Variants in HCRTR2 observed in about 807,000 individuals in gnomAD.
The protein encoded by HCRTR2 is hypocretin receptor 2.
Under a neutral mutation model 49.0 loss-of-function variants are expected in HCRTR2, and 22 were observed. The observed-to-expected ratio is 0.45, with a 90% confidence interval of 0.32 to 0.64. HCRTR2 has a LOEUF of 0.64. HCRTR2 is among the 30% of genes least tolerant of loss of function. The probability of loss-of-function intolerance (pLI) is 0.04; values close to 1 mark genes in which losing one functional copy is unlikely to be tolerated. For missense variants in HCRTR2, 491 were observed against 559.4 expected (o/e 0.88, Z 1.23); for synonymous variants, 236 against 205.3 (o/e 1.15, Z -1.28).
At chr6:55,198,491 A>C (rs1162127852) in intron 1 of HCRTR2, among the ~76,000 whole-genome samples, 1 of 152,078 alleles carries the variant, frequency 6.6e-6, no homozygotes, top group Non-Finnish European at 1.5e-5. Flanking sequence ...CCTAACTTTA[A>C]ACCTACCTCT....
chr6:55,164,958 C>CA (rs1288316784), intron 1 of HCRTR2, among the ~76,000 whole-genome samples: 1 of 151,548 alleles, frequency 6.6e-6, no homozygotes, highest in African/African-American at 2.4e-5. Context: ...CAGATAAATT[C>CA]AAAAAAGAAG....
At chr6:55,121,528 C>T (rs957385122) in intron 1 of HCRTR2, among the ~76,000 whole-genome samples, 2 of 151,616 alleles carry the variant, frequency 1.3e-5, no homozygotes, top group Non-Finnish European at 3.0e-5. Context: ...GAGGGCATCC[C>T]TGTCTTGTGC....
At position 55,280,458 on chromosome 6, in the gene HCRTR2, T is replaced by C. The variant is rs200028165; in HGVS notation, c.1105+14T>C. 1 of 1,611,490 alleles carries C rather than the reference T, an allele frequency of 6.2e-7. No homozygotes were observed. Among genetic ancestry groups the C allele is most frequent in the Admixed American group, 1.7e-5 (1 of 59,916 alleles). On this transcript the variant is annotated intron_variant, in intron 6 of 6. Coordinates refer to ENST00000370862, the MANE Select transcript of HCRTR2 (RefSeq NM_001384272.1). ...ATTTTCTCAGTGGTGAGTTTTCAACTGTTCTTCCATAAGCCACAATTGTAA... is the reference window on the plus strand; with the variant it reads ...ATTTTCTCAGTGGTGAGTTTTCAACCGTTCTTCCATAAGCCACAATTGTAA...
At position 55,274,936 on chromosome 6, in the gene HCRTR2, G is replaced by C. The variant is rs183957990; in HGVS notation, c.763-2444G>C. 3.1e-3 allele frequency among the ~76,000 whole-genome samples: 474 copies of C among 152,180 alleles called. 4 individuals are homozygous for C. The highest frequency in any genetic ancestry group is 0.011 in the African/African-American group (446 of 41,544). The stretch of plus-strand genomic sequence containing the variant: ...ATTATTTATTCTTTACTGTTTGATT[G>C]AATTCATTAATGGACCTATCTGGGC... On this transcript the variant is annotated intron_variant, in intron 4 of 6. Transcript: ENST00000370862.
At chr6:55,107,407 T>C (rs1184139929) in intron 1 of HCRTR2, among the ~76,000 whole-genome samples, 1 of 152,142 alleles carries the variant, frequency 6.6e-6, no homozygotes, top group Non-Finnish European at 1.5e-5. Context: ...TTTATGAATA[T>C]ATAGGTATCT....
intron 1 of HCRTR2, among the ~76,000 whole-genome samples, chr6:55,199,568 T>A (rs1215769656): frequency 6.6e-6 from 1 of 152,214 alleles, no homozygotes; most frequent in Admixed American, 6.5e-5. Context: ...ATTTTTCTAG[T>A]AATACATTCT....
chr6:55,259,610 T>C (rs2127319850), intron 3 of HCRTR2, among the ~76,000 whole-genome samples: 1 of 152,006 alleles, frequency 6.6e-6, no homozygotes, highest in South Asian at 2.1e-4. Context: ...CTTTAATCTC[T>C]GATTTCAAAG....
chr6:55,124,362 T>C lies in HCRTR2; in HGVS notation c.-378+17817T>C, dbSNP rs979842785. On this transcript the variant is annotated intron_variant, in intron 1 of 7. Coordinates refer to the HCRTR2 transcript ENST00000615358. Reference sequence around the variant, plus strand: ...AGAACAACTTTATTTCTGCCTTCACTTTGTTATTTACCCAGTAGTTATTCA... The same window carrying C: ...AGAACAACTTTATTTCTGCCTTCACCTTGTTATTTACCCAGTAGTTATTCA... Among the ~76,000 whole-genome samples, 5 of 152,326 alleles carry C rather than the reference T, an allele frequency of 3.3e-5. No homozygotes were observed. The South Asian group carries it at 6.2e-4, about 19-fold the overall frequency.
intron 1 of HCRTR2, among the ~76,000 whole-genome samples, chr6:55,201,530 A>AT (rs1462504794): frequency 1.3e-5 from 2 of 152,070 alleles, no homozygotes; most frequent in African/African-American, 2.4e-5. Flanking sequence ...AAACTAAGGG[A>AT]TTTTTTCTGG....
Position 55,225,593 on chromosome 6 carries a change from C to A in HCRTR2, c.224-23046C>A, listed in dbSNP as rs183141685. On this transcript the variant is annotated intron_variant, in intron 1 of 6. Coordinates refer to ENST00000370862, the MANE Select transcript of HCRTR2 (RefSeq NM_001384272.1). ...GCATAGAGAATAAAAATTTGCACCCCACACAGTCACTCCTCATTCATTCAT... is the reference window on the plus strand; with the variant it reads ...GCATAGAGAATAAAAATTTGCACCCAACACAGTCACTCCTCATTCATTCAT... 3.7e-3 allele frequency among the ~76,000 whole-genome samples: 567 copies of A among 152,252 alleles called. 3 individuals are homozygous for A. Among genetic ancestry groups the A allele is most frequent in the Middle Eastern group, 0.014 (4 of 294 alleles).
At chr6:55,121,078 T>C (rs1764192301) in intron 1 of HCRTR2, among the ~76,000 whole-genome samples, 1 of 152,136 alleles carries the variant, frequency 6.6e-6, no homozygotes, top group African/African-American at 2.4e-5. Flanking sequence ...TATGGCCAAT[T>C]TCATGATATT....
At chr6:55,262,767 T>TATATATATATGTATTAGGTAGGGA (rs1766791934) in intron 3 of HCRTR2, among the ~76,000 whole-genome samples, 1 of 6,416 alleles carries the variant, frequency 1.6e-4, no homozygotes, top group Non-Finnish European at 4.0e-4. Flanking sequence ...AGGTAGGGAA[T>TATATATATATGTATTAGGTAGGGA]ATATATATAT....
chr6:55,271,561 G>T (rs986238728), intron 4 of HCRTR2, among the ~76,000 whole-genome samples: 24 of 152,048 alleles, frequency 1.6e-4, no homozygotes, highest in African/African-American at 5.6e-4. Flanking sequence ...AAACTTTTGT[G>T]CTTCAAACTG....
intron 1 of HCRTR2, among the ~76,000 whole-genome samples, chr6:55,223,466 T>G (rs1373890169): frequency 2.6e-5 from 4 of 152,230 alleles, no homozygotes. Context: ...GAGAAGAAAT[T>G]TCCTTTGTTT....
At chr6:55,282,112 A>G (rs1167497951) in intron 6 of HCRTR2, 113 bp from the exon 7 acceptor site, 4 of 758,022 alleles carry the variant, frequency 5.3e-6, no homozygotes, top group African/African-American at 3.5e-5. Flanking sequence ...TTTGCAAAAT[A>G]TTACACCTCA....
chr6:55,178,838 C>A (rs929991226), intron 1 of HCRTR2, among the ~76,000 whole-genome samples: 5 of 152,188 alleles, frequency 3.3e-5, no homozygotes, highest in Non-Finnish European at 7.3e-5. Flanking sequence ...AGTTTGCTTT[C>A]TCTCTCAACT....
chr6:55,282,196 C>A (rs200330118), intron 6 of HCRTR2, 29 bp from the exon 7 acceptor site: 20 of 1,512,390 alleles, frequency 1.3e-5, no homozygotes, highest in South Asian at 6.9e-5. Flanking sequence ...TGTATAATTC[C>A]TTTTCCTTTC....
chr6:55,115,504 GTGTGTGTGGTA>G (rs1420026804), intron 1 of HCRTR2, among the ~76,000 whole-genome samples: 60 of 150,882 alleles, frequency 4.0e-4, no homozygotes, highest in African/African-American at 1.0e-3. Context: ...GTGTGTGTGT[GTGTGTGTGGTA>G]GTAGTAGTAG....
chr6:55,159,098 C>T lies in HCRTR2; in HGVS notation c.-377-15113C>T, dbSNP rs1032919650. Among the ~76,000 whole-genome samples, 6 of 152,036 alleles carry T rather than the reference C, an allele frequency of 3.9e-5. No individual in the cohort carries two copies. The South Asian group carries it at 6.2e-4, about 16-fold the overall frequency. On this transcript the variant is annotated intron_variant, in intron 1 of 7. Coordinates refer to the HCRTR2 transcript ENST00000615358. ...TGGGTGCCCCTCTGGGACAAAGCTT[C>T]GAGAGGAAGGAGCAGGCAGCAATCT...
Sources: allele counts gnomAD v4.1 joint callset (sites outside exome capture counted in the v4.1 genomes callset), GRCh38; gene constraint gnomAD v4.1.1; transcripts MANE v1.5; gene names NCBI Gene and HGNC (gene_info 2026-07-23, HGNC 2026-07-21).